Variants in EPHB2 observed in about 807,000 individuals in gnomAD.
The protein encoded by EPHB2 is EPH receptor B2.
EPHB2 carries 18 observed loss-of-function variants against 96.4 expected under a neutral mutation model. The ratio of observed to expected loss-of-function variants is 0.19; its 90% CI spans 0.13 to 0.28. EPHB2 has a LOEUF of 0.28. Among genes scored for constraint, EPHB2 ranks in the 10% least tolerant of loss-of-function variants. The pLI, the probability that EPHB2 is intolerant of heterozygous loss-of-function variation, is 1.00. For missense variants in EPHB2, 989 were observed against 1,355.4 expected, an observed-to-expected ratio of 0.73 and a Z score of 4.25; for synonymous variants, 506 against 534.1, an observed-to-expected ratio of 0.95 and a Z score of 0.72.
intron 3 of EPHB2, chr1:22,835,932 G>A (rs148368083): frequency 1.3e-5 from 2 of 152,318 alleles, no homozygotes; most frequent in South Asian, 2.1e-4. Flanking sequence ...TGTCTGTGAG[G>A]GCTGGAGGAC....
chr1:22,753,754 T>A (rs1345191364), intron 1 of EPHB2, among the ~76,000 whole-genome samples: 2 of 152,132 alleles, frequency 1.3e-5, no homozygotes, highest in Non-Finnish European at 2.9e-5. Context: ...TCTTTGGACA[T>A]CCTTTCACTT....
At chr1:22,774,817 G>A (rs1644426789) in intron 1 of EPHB2, among the ~76,000 whole-genome samples, 1 of 152,170 alleles carries the variant, frequency 6.6e-6, no homozygotes, top group Non-Finnish European at 1.5e-5. Flanking sequence ...CAGTGTTGAG[G>A]GTACAGCGGT....
chr1:22,848,711 T>C (rs1645580252), intron 3 of EPHB2, among the ~76,000 whole-genome samples: 1 of 152,116 alleles, frequency 6.6e-6, no homozygotes, highest in Non-Finnish European at 1.5e-5. Flanking sequence ...ATCAAGATCC[T>C]TGTTGTTTGT....
chr1:22,895,584 G>A lies in EPHB2; in HGVS notation c.1700+4G>A. On this transcript the variant is annotated splice_donor_region_variant and intron_variant, in intron 8 of 15. Coordinates refer to ENST00000374630, the MANE Select transcript of EPHB2 (RefSeq NM_017449.5). ...TCATCGCCATCGTGTGTAACAGGTG[G>A]GTGGGGTCTCCAGGCTTGGCCAGGC... 1.2e-6 allele frequency: 2 copies of A among 1,614,200 alleles called. No homozygotes were observed. The highest frequency in any genetic ancestry group is 1.7e-6 in the Non-Finnish European group (2 of 1,180,008).
rs368823370 is a variant in EPHB2 at position 22,859,789 on chromosome 1, T to C, written c.812-3248T>C. ...GCCTGGGTGACAGAGCGAGACTCCA[T>C]CTCAAAAAAGAAAAACAAATTATAC... On this transcript the variant is annotated intron_variant, in intron 3 of 15. Coordinates refer to ENST00000374630, the MANE Select transcript of EPHB2 (RefSeq NM_017449.5). 1.0e-3 allele frequency among the ~76,000 whole-genome samples: 155 copies of C among 152,214 alleles called. 3 individuals are homozygous for C. The highest frequency in any genetic ancestry group is 3.6e-3 in the African/African-American group (150 of 41,552).
intron 2 of EPHB2, among the ~76,000 whole-genome samples, chr1:22,782,559 G>A (rs890490789): frequency 2.6e-5 from 4 of 152,230 alleles, no homozygotes; most frequent in East Asian, 3.9e-4. Context: ...TGCGAAGGCG[G>A]CTGGGCCCAC....
At position 22,840,387 on chromosome 1, in the gene EPHB2, A is replaced by G. The variant is rs573750910; in HGVS notation, c.812-22650A>G. ...AAAAGAGGAGGAAGTCTGGGACACA[A>G]TTGTTAGAAATCAAGCCTAGTAGTG... On this transcript the variant is annotated intron_variant, in intron 3 of 15. Transcript: ENST00000374630. Among the ~76,000 whole-genome samples, 5 of 152,360 alleles carry G rather than the reference A, an allele frequency of 3.3e-5. No homozygotes were observed. The South Asian group carries it at 6.2e-4, about 19-fold the overall frequency.
intron 1 of EPHB2, chr1:22,775,240 T>C (rs537281592): frequency 1.1e-4 from 84 of 779,832 alleles, no homozygotes; most frequent in South Asian, 6.0e-4. Context: ...TGTGCACTTA[T>C]GCAGGTTGGT....
intron 5 of EPHB2, among the ~76,000 whole-genome samples, chr1:22,879,744 C>T (rs995935108): frequency 6.6e-6 from 1 of 152,246 alleles, no homozygotes; most frequent in Non-Finnish European, 1.5e-5. Flanking sequence ...TGCACTGTGG[C>T]AGGTGACACC....
At chr1:22,783,995 C>T (rs1644571892) in intron 2 of EPHB2, among the ~76,000 whole-genome samples, 1 of 152,108 alleles carries the variant, frequency 6.6e-6, no homozygotes, top group African/African-American at 2.4e-5. Flanking sequence ...TCCCCGAGGG[C>T]AGAGGTCCTG....
chr1:22,837,658 T>C (rs1411873398), intron 3 of EPHB2, among the ~76,000 whole-genome samples: 1 of 152,188 alleles, frequency 6.6e-6, no homozygotes, highest in Non-Finnish European at 1.5e-5. Flanking sequence ...ATCATCCCTG[T>C]CTTCCTCAGG....
In EPHB2 at chr1:22,913,629, C is replaced by T. The variant is rs761317494; in HGVS notation, c.*59C>T. On this transcript the variant is annotated 3_prime_UTR_variant, in exon 16 of 16. Coordinates refer to ENST00000374630, the MANE Select transcript of EPHB2 (RefSeq NM_017449.5). This position sits in a 1 kb window ranked among gnomAD's most constrained non-coding sequence, Gnocchi z 4.1. ...GCCCCGCCCCCTCTGCCCCACGTGC[C>T]GGCCCTCCTGGTGCTCTATCCACTG... 1.4e-5 allele frequency: 22 copies of T among 1,607,330 alleles called. No individual in the cohort carries two copies. Among genetic ancestry groups the T allele is most frequent in the Admixed American group, 5.1e-5 (3 of 58,696 alleles).
chr1:22,894,324 G>A (rs1013883532), intron 7 of EPHB2, among the ~76,000 whole-genome samples: 29 of 152,278 alleles, frequency 1.9e-4, no homozygotes, highest in African/African-American at 5.5e-4. Context: ...ATAGCTAGGC[G>A]CGGTGGCTCA....
intron 5 of EPHB2, among the ~76,000 whole-genome samples, chr1:22,871,562 AG>A (rs1274693634): frequency 2.6e-4 from 39 of 152,202 alleles, no homozygotes; most frequent in East Asian, 3.8e-4. Context: ...CAGCTTTGCT[AG>A]ATGGTTGTGG....
chr1:22,820,773 G>C (rs1645142097), intron 3 of EPHB2, among the ~76,000 whole-genome samples: 1 of 152,160 alleles, frequency 6.6e-6, no homozygotes, highest in Admixed American at 6.5e-5. Context: ...TTTCTCCTTG[G>C]AACTACACCA....
At chr1:22,759,421 G>C (rs574458034) in intron 1 of EPHB2, among the ~76,000 whole-genome samples, 1 of 151,994 alleles carries the variant, frequency 6.6e-6, no homozygotes, top group Admixed American at 6.6e-5. Flanking sequence ...TGTTTGCCCC[G>C]GGCCATTCCT....
rs966484477 is a variant in EPHB2, at chr1:22,915,332, C to T, written c.*1762C>T. 2.0e-5 allele frequency: 3 copies of T among 152,142 alleles called. No homozygotes were observed. The highest frequency in any genetic ancestry group is 2.0e-4 in the Admixed American group (3 of 15,286). The allele number at this position is 152,142 out of a possible 1,614,324, so 9.4% of individuals were successfully genotyped here. ...ATAAACGCTTTAGTTATAATATGAC[C>T]CCTGTTCTCTGTAAGTTCCAAGGGA... is the stretch of plus-strand genomic sequence containing the variant. On this transcript the variant is annotated 3_prime_UTR_variant, in exon 16 of 16. Coordinates refer to ENST00000374630, the MANE Select transcript of EPHB2 (RefSeq NM_017449.5).
intron 3 of EPHB2, among the ~76,000 whole-genome samples, chr1:22,801,911 G>T (rs1159800353): frequency 1.3e-5 from 2 of 152,320 alleles, no homozygotes; most frequent in East Asian, 3.9e-4. Context: ...CCAATTAGAG[G>T]AGCGGACAGG....
At chr1:22,892,142 C>A (rs889147108) in intron 6 of EPHB2, among the ~76,000 whole-genome samples, 2 of 152,042 alleles carry the variant, frequency 1.3e-5, no homozygotes, top group African/African-American at 4.8e-5. Context: ...TGACCCTGAG[C>A]ATCATTTTCC....
Sources: allele counts gnomAD v4.1 joint callset (sites outside exome capture counted in the v4.1 genomes callset), GRCh38; gene constraint gnomAD v4.1.1; non-coding constraint Gnocchi (gnomAD v3.1); transcripts MANE v1.5; gene names NCBI Gene and HGNC (gene_info 2026-07-23, HGNC 2026-07-21).